OSTM1: variants seen among roughly 807,000 people sequenced by gnomAD.
The protein encoded by OSTM1 is osteoclastogenesis associated transmembrane protein 1, also known as osteopetrosis-associated transmembrane protein 1.
A neutral mutation model predicts 35.4 loss-of-function variants in OSTM1; 26 were observed. The ratio of observed to expected loss-of-function variants is 0.73; its 90% confidence interval spans 0.54 to 1.02. The LOEUF is 1.02. Ranked by LOEUF, OSTM1 falls within the 50% of genes least tolerant of loss-of-function variation. The pLI, the probability that OSTM1 is intolerant of heterozygous loss-of-function variation, is 0.00. For missense variants in OSTM1, 366 were observed against 409.6 expected, an observed-to-expected ratio of 0.89 and a Z score of 0.92; for synonymous variants, 181 against 165.0, an observed-to-expected ratio of 1.10 and a Z score of -0.75.
chr6:108,072,288 T>C (rs1478101330), intron 1 of OSTM1, among the ~76,000 whole-genome samples: 5 of 152,206 alleles, frequency 3.3e-5, no homozygotes, highest in Admixed American at 2.0e-4. Context: ...CTATACCCAA[T>C]GGAAGTGTGC....
intron 5 of OSTM1, 64 bp downstream of exon 5, chr6:108,049,189 A>C: frequency 8.9e-7 from 1 of 1,124,496 alleles, no homozygotes; most frequent in Non-Finnish European, 1.3e-6. Flanking sequence ...TCATTTCTAA[A>C]ACAGGCCTAA....
At chr6:108,050,088 A>G (rs1185995396) in intron 4 of OSTM1, among the ~76,000 whole-genome samples, 2 of 151,900 alleles carry the variant, frequency 1.3e-5, no homozygotes, top group African/African-American at 2.4e-5. Flanking sequence ...TAAAATGGAG[A>G]AAAAAAAATT....
At chr6:108,057,119 T>C (rs182804299) in intron 2 of OSTM1, among the ~76,000 whole-genome samples, 4 of 152,096 alleles carry the variant, frequency 2.6e-5, no homozygotes, top group East Asian at 3.9e-4. Flanking sequence ...TCCCAGCGGC[T>C]TGGGAGGCTG....
intron 3 of OSTM1, among the ~76,000 whole-genome samples, 172 bp downstream of exon 3, chr6:108,054,318 T>C (rs948650735): frequency 6.6e-6 from 1 of 152,212 alleles, no homozygotes; most frequent in African/African-American, 2.4e-5. Context: ...ACTGAGGTTT[T>C]CATGATTTGT....
chr6:108,058,866 T>C (rs193184893), intron 2 of OSTM1, among the ~76,000 whole-genome samples: 3 of 152,360 alleles, frequency 2.0e-5, no homozygotes, highest in East Asian at 3.9e-4. Context: ...AGACATACAT[T>C]GTATGTGTTA....
In OSTM1 at chr6:108,044,598, TC is replaced by T; in HGVS notation, c.*186del. 2.1e-6 allele frequency: 1 copy of T among 483,484 alleles called. No individual in the cohort carries two copies. The highest frequency in any genetic ancestry group is 3.5e-5 in the South Asian group (1 of 28,454). The allele number at this position is 483,484 out of a possible 1,614,324, so 29.9% of individuals were successfully genotyped here. A position where few individuals can be genotyped will look rare whatever the true frequency, so the allele number is the denominator to read the frequency against. ...TTGCTATGCCTGGAAATTAAAAATATCCAAATCTGTTAGAAAGAAGTGGAAA... is the reference window on the plus strand; with the variant it reads ...TTGCTATGCCTGGAAATTAAAAATATCAAATCTGTTAGAAAGAAGTGGAAA... On this transcript the variant is annotated 3_prime_UTR_variant, in exon 6 of 6. Transcript: ENST00000193322.
chr6:108,056,347 A>G lies in OSTM1; in HGVS notation c.518-1760T>C, dbSNP rs145807306. Among the ~76,000 whole-genome samples the G allele has an allele frequency of 2.0e-5, 3 of 152,360 alleles. No individual in the cohort carries two copies. The East Asian group carries it at 5.8e-4, about 29-fold the overall frequency. On this transcript the variant is annotated intron_variant, in intron 2 of 5. Coordinates refer to ENST00000193322, the MANE Select transcript of OSTM1 (RefSeq NM_014028.4). Reference sequence around the variant, plus strand: ...AAAGCTAGACTCTGTACTCAGTCTGATTCTTGAGCCTGCACTCTCAAACAC... The same window carrying G: ...AAAGCTAGACTCTGTACTCAGTCTGGTTCTTGAGCCTGCACTCTCAAACAC...
Position 108,049,435 on chromosome 6 carries a change from CAAT to C in OSTM1, c.784-20_784-18del, listed in dbSNP as rs750032452. 7.4e-6 allele frequency: 12 copies of C among 1,611,146 alleles called. No individual in the cohort carries two copies. The African/African-American group carries it at 1.6e-4, about 22-fold the overall frequency. On this transcript the variant is annotated intron_variant, in intron 4 of 5. Coordinates refer to ENST00000193322, the MANE Select transcript of OSTM1 (RefSeq NM_014028.4). ...GATGTTCATCTGGAACAAGAGCAAA[CAAT>C]ATCTTTCTATTTTATATTTAACTTG...
At chr6:108,067,275 C>G (rs906256552) in intron 1 of OSTM1, among the ~76,000 whole-genome samples, 1 of 152,148 alleles carries the variant, frequency 6.6e-6, no homozygotes, top group African/African-American at 2.4e-5. Context: ...CTACATGCAA[C>G]CTCTCCTTCT....
At chr6:108,047,546 G>T (rs1771999200) in intron 5 of OSTM1, among the ~76,000 whole-genome samples, 1 of 152,206 alleles carries the variant, frequency 6.6e-6, no homozygotes, top group African/African-American at 2.4e-5. Flanking sequence ...CCACTATGTG[G>T]CGTATGGATT....
chr6:108,049,190 A>G, intron 5 of OSTM1, 63 bp downstream of exon 5: 1 of 1,127,994 alleles, frequency 8.9e-7, no homozygotes. Context: ...CATTTCTAAA[A>G]CAGGCCTAAA....
intron 5 of OSTM1, among the ~76,000 whole-genome samples, chr6:108,048,091 T>C (rs923716029): frequency 5.3e-5 from 8 of 152,176 alleles, no homozygotes; most frequent in Non-Finnish European, 1.0e-4. Flanking sequence ...CTCTAGTAGC[T>C]AGCATTTTAA....
At chr6:108,066,125 G>A (rs2027875) in intron 1 of OSTM1, among the ~76,000 whole-genome samples, 3 of 151,958 alleles carry the variant, frequency 2.0e-5, no homozygotes, top group African/African-American at 7.3e-5. Flanking sequence ...ATGAGAGGCC[G>A]TGAGGGTCAT....
At position 108,044,839 on chromosome 6, in the gene OSTM1, G is replaced by A; in HGVS notation, c.951C>T (p.Pro317=). The A allele has an allele frequency of 6.6e-7, 1 of 1,520,156 alleles. No individual in the cohort carries two copies. Among genetic ancestry groups the A allele is most frequent in the Non-Finnish European group, 9.0e-7 (1 of 1,108,694 alleles). 94.2% of individuals were successfully genotyped at this position (1,520,156 alleles called of 1,614,324 possible). The change falls in exon 6 of 6, where the codon CCC becomes CCT. Residue 317 remains proline (P), a splice_region_variant and synonymous_variant. Transcript: ENST00000193322. ...AACTGGTACTGGACTTGAGACGTTT[G>A]GCTAGATAAATCAAAAGAATTATAT... is the stretch of plus-strand genomic sequence containing the variant. ...SEQKKRKLIL[P]KRLKSSTSFA... is the part of the protein sequence containing the mutation.
chr6:108,070,636 T>A (rs1355788703), intron 1 of OSTM1, among the ~76,000 whole-genome samples: 3 of 151,934 alleles, frequency 2.0e-5, no homozygotes, highest in Non-Finnish European at 4.4e-5. Context: ...ACGCCTGTAA[T>A]CCCAGCACTC....
intron 1 of OSTM1, among the ~76,000 whole-genome samples, chr6:108,070,575 G>A (rs1486809928): frequency 6.6e-6 from 1 of 152,130 alleles, no homozygotes; most frequent in Non-Finnish European, 1.5e-5. Flanking sequence ...AAAAGACTGA[G>A]TCTGAGTCAA....
chr6:108,058,639 G>A (rs1234869453), intron 2 of OSTM1, among the ~76,000 whole-genome samples: 2 of 152,242 alleles, frequency 1.3e-5, no homozygotes, highest in East Asian at 1.9e-4. Context: ...TTAGCCGGGC[G>A]TGGTGGTGGG....
intron 1 of OSTM1, among the ~76,000 whole-genome samples, chr6:108,072,516 C>T (rs1286613352): frequency 2.0e-5 from 3 of 151,832 alleles, no homozygotes; most frequent in African/African-American, 7.3e-5. Context: ...ATCTGTAGTT[C>T]CAGCTACTCA....
chr6:108,062,803 C>T (rs112332508), intron 2 of OSTM1, among the ~76,000 whole-genome samples: 2 of 152,248 alleles, frequency 1.3e-5, no homozygotes, highest in African/African-American at 4.8e-5. Context: ...GCTGGGATTA[C>T]AGGTGTGAGC....
Sources: allele counts gnomAD v4.1 joint callset (sites outside exome capture counted in the v4.1 genomes callset), GRCh38; gene constraint gnomAD v4.1.1; transcripts MANE v1.5; gene names NCBI Gene and HGNC (gene_info 2026-07-23, HGNC 2026-07-21).